The following CNIH3 variants were observed in gnomAD, a reference collection of about 807,000 sequenced individuals.
CNIH3 encodes protein cornichon homolog 3.
CNIH3 carries 14 observed loss-of-function variants against 24.1 expected under a neutral mutation model. That is an observed-to-expected ratio of 0.58 (90% confidence interval 0.38 to 0.91). The LOEUF is 0.91. CNIH3 is among the 40% of genes least tolerant of loss of function. The probability of loss-of-function intolerance (pLI) is 0.00; values close to 1 mark genes in which losing one functional copy is unlikely to be tolerated. For synonymous variants in CNIH3, 68 were observed against 73.8 expected, an observed-to-expected ratio of 0.92 and a Z score of 0.40; for missense variants, 178 against 196.8, an observed-to-expected ratio of 0.90 and a Z score of 0.57.
intron 2 of CNIH3, among the ~76,000 whole-genome samples, chr1:224,545,874 C>T (rs933722063): frequency 8.5e-5 from 13 of 152,136 alleles, no homozygotes; most frequent in African/African-American, 2.2e-4. Flanking sequence ...ACTATAGAAA[C>T]GGATTTTCTC....
At chr1:224,664,644 C>G (rs1279008588) in intron 1 of CNIH3, 1 of 152,102 alleles carries the variant, frequency 6.6e-6, no homozygotes, top group Non-Finnish European at 1.5e-5. Context: ...GTTTGTTTCC[C>G]CTGAGAAACT....
chr1:224,674,870 C>G (rs766551245), intron 1 of CNIH3, among the ~76,000 whole-genome samples: 16 of 152,092 alleles, frequency 1.1e-4, no homozygotes, highest in Non-Finnish European at 2.4e-4. Context: ...CATTATCTTA[C>G]TGATATAACT....
intron 2 of CNIH3, among the ~76,000 whole-genome samples, chr1:224,528,972 G>A (rs1253768604): frequency 6.6e-6 from 1 of 152,204 alleles, no homozygotes; most frequent in Non-Finnish European, 1.5e-5. Context: ...TTGCCCATGT[G>A]CTTATGGTAG....
chr1:224,544,874 C>A (rs759773362), intron 2 of CNIH3, among the ~76,000 whole-genome samples: 41 of 152,328 alleles, frequency 2.7e-4, no homozygotes, highest in Middle Eastern at 3.4e-3. Flanking sequence ...CAGTATCCTG[C>A]CACTGCCTCC....
intron 4 of CNIH3, among the ~76,000 whole-genome samples, chr1:224,570,802 C>T (rs759667020): frequency 2.0e-5 from 3 of 152,044 alleles, no homozygotes; most frequent in Non-Finnish European, 4.4e-5. Context: ...CCTATATTAT[C>T]TTCTAAAAGT....
intron 1 of CNIH3, among the ~76,000 whole-genome samples, chr1:224,493,926 C>A (rs1033973980): frequency 2.0e-5 from 3 of 152,122 alleles, no homozygotes; most frequent in Non-Finnish European, 4.4e-5. Flanking sequence ...CAGAACCAAT[C>A]GGGTATGTAA....
chr1:224,543,277 ATG>A lies in CNIH3; in HGVS notation n.340-3547_340-3546del, dbSNP rs556183608. On this transcript the variant is annotated intron_variant and non_coding_transcript_variant, in intron 2 of 5. Coordinates refer to the CNIH3 transcript ENST00000471578. ...TGGGGAAAGAGGGCACAGGAGCTCT[ATG>A]TGTGGGATCCTTCTGGATCTTGCCC... Among the ~76,000 whole-genome samples the A allele has an allele frequency of 1.5e-3, 231 of 152,118 alleles. 1 individual carries two copies. The highest frequency in any genetic ancestry group is 5.2e-3 in the African/African-American group (217 of 41,480).
intron 1 of CNIH3, among the ~76,000 whole-genome samples, chr1:224,456,696 C>T (rs1408294647): frequency 1.2e-4 from 18 of 152,230 alleles, no homozygotes; most frequent in Admixed American, 1.2e-3. Flanking sequence ...CAGGCATGAG[C>T]CACTGTGCCC....
At chr1:224,693,553 A>C (rs907252529) in intron 3 of CNIH3, among the ~76,000 whole-genome samples, 3 of 151,374 alleles carry the variant, frequency 2.0e-5, no homozygotes, top group African/African-American at 4.9e-5. Flanking sequence ...CATCTCAGTC[A>C]GCCTCAGACA....
chr1:224,447,225 A>G lies in CNIH3; in HGVS notation n.203+12363A>G, dbSNP rs75099938. On this transcript the variant is annotated intron_variant and non_coding_transcript_variant, in intron 1 of 5. Coordinates refer to the CNIH3 transcript ENST00000471578. ...GGCTCAGTCCAAGTCTGAAAGCCCT[A>G]GAACTAGGGAAGCTGATGGTGTACT... Among the ~76,000 whole-genome samples, 45 of 152,234 alleles carry G rather than the reference A, an allele frequency of 3.0e-4. No homozygotes were observed. The East Asian group carries it at 7.2e-3, about 24-fold the overall frequency.
Position 224,616,643 on chromosome 1 carries a change from G to A in CNIH3, c.-532G>A, listed in dbSNP as rs1032409494. 1 of 987,794 alleles carries A rather than the reference G, an allele frequency of 1.0e-6. No individual in the cohort carries two copies. The highest frequency in any genetic ancestry group is 6.1e-5 in the Admixed American group (1 of 16,394). The allele number at this position is 987,794 out of a possible 1,614,324, so 61.2% of individuals were successfully genotyped here. On this transcript the variant is annotated 5_prime_UTR_variant, in exon 1 of 6. Transcript: ENST00000272133. Reference sequence around the variant, plus strand: ...TCGGGAAAGAGCGCTGCCCGGCTCTGGGATTTGGGAGGAGCTCGGAGGCCG... The same window carrying A: ...TCGGGAAAGAGCGCTGCCCGGCTCTAGGATTTGGGAGGAGCTCGGAGGCCG...
intron 3 of CNIH3, among the ~76,000 whole-genome samples, chr1:224,685,231 C>T (rs980874311): frequency 6.6e-6 from 1 of 152,160 alleles, no homozygotes. Flanking sequence ...TAACTAGATG[C>T]TGGGTTTCCT....
intron 1 of CNIH3, among the ~76,000 whole-genome samples, chr1:224,636,155 CTG>C (rs1297171611): frequency 4.6e-5 from 7 of 152,200 alleles, no homozygotes; most frequent in Non-Finnish European, 2.9e-5. Flanking sequence ...GTTGGTTGCT[CTG>C]TGTTGGTGCA....
At chr1:224,597,048 A>G (rs1467938026) in intron 3 of CNIH3, among the ~76,000 whole-genome samples, 1 of 152,118 alleles carries the variant, frequency 6.6e-6, no homozygotes, top group Non-Finnish European at 1.5e-5. Context: ...GCTACTTGGG[A>G]TGCTGACGCA....
intron 1 of CNIH3, among the ~76,000 whole-genome samples, chr1:224,438,289 C>T (rs559615834): frequency 1.3e-5 from 2 of 151,416 alleles, no homozygotes; most frequent in Non-Finnish European, 2.9e-5. Flanking sequence ...AACTCTTGAG[C>T]TCGAGCAATC....
intron 1 of CNIH3, among the ~76,000 whole-genome samples, chr1:224,478,148 G>A (rs980404922): frequency 6.6e-6 from 1 of 152,056 alleles, no homozygotes; most frequent in Admixed American, 6.6e-5. Context: ...TCTTCTTTGG[G>A]TTAAATATGC....
At chr1:224,573,772 C>T (rs1267282331) in intron 4 of CNIH3, among the ~76,000 whole-genome samples, 2 of 152,078 alleles carry the variant, frequency 1.3e-5, no homozygotes, top group Non-Finnish European at 2.9e-5. Flanking sequence ...TACCTTTTCC[C>T]AGGGTAGGAA....
At chr1:224,682,179 T>TG (rs1686434169) in intron 2 of CNIH3, among the ~76,000 whole-genome samples, 1 of 152,238 alleles carries the variant, frequency 6.6e-6, no homozygotes, top group African/African-American at 2.4e-5. Context: ...GAGTTATTAC[T>TG]GGAGTTGTCA....
chr1:224,482,581 C>A (rs1474214100), intron 1 of CNIH3, among the ~76,000 whole-genome samples: 2 of 151,722 alleles, frequency 1.3e-5, no homozygotes, highest in Non-Finnish European at 2.9e-5. Context: ...TGCCCAGTGC[C>A]CTATCTTTCT....
Sources: allele counts gnomAD v4.1 joint callset (sites outside exome capture counted in the v4.1 genomes callset), GRCh38; gene constraint gnomAD v4.1.1; transcripts MANE v1.5; gene names NCBI Gene and HGNC (gene_info 2026-07-23, HGNC 2026-07-21).